ZNF804B: variants seen among roughly 807,000 people sequenced by gnomAD.
ZNF804B encodes zinc finger protein 804B.
A neutral mutation model predicts 101.4 loss-of-function variants in ZNF804B; 80 were observed. The observed-to-expected ratio is 0.79, with a 90% CI of 0.66 to 0.95. The LOEUF (loss-of-function observed/expected upper bound fraction) is 0.95. Ranked by LOEUF, ZNF804B falls within the 40% of genes least tolerant of loss-of-function variation. The pLI is 0.00. For missense variants in ZNF804B, 1,673 were observed against 1,561.9 expected, an observed-to-expected ratio of 1.07 and a Z score of -1.20; for synonymous variants, 622 against 558.8, an observed-to-expected ratio of 1.11 and a Z score of -1.59.
intron 1 of ZNF804B, among the ~76,000 whole-genome samples, chr7:89,032,651 G>T (rs897217991): frequency 2.0e-5 from 3 of 152,090 alleles, no homozygotes; most frequent in African/African-American, 7.2e-5. Flanking sequence ...ATTGGTGAAG[G>T]CACAGGGGCT....
chr7:89,084,549 C>T (rs929864127), intron 1 of ZNF804B, among the ~76,000 whole-genome samples: 3 of 151,928 alleles, frequency 2.0e-5, no homozygotes, highest in Non-Finnish European at 4.4e-5. Flanking sequence ...GTTTCAGTGA[C>T]ACCAGCAAAT....
intron 1 of ZNF804B, among the ~76,000 whole-genome samples, chr7:88,791,411 T>G (rs1790379520): frequency 6.6e-6 from 1 of 152,166 alleles, no homozygotes; most frequent in African/African-American, 2.4e-5. Context: ...GTTATTTTCA[T>G]AGTGAGCCTT....
intron 1 of ZNF804B, among the ~76,000 whole-genome samples, chr7:88,818,891 G>A (rs1583956450): frequency 6.6e-6 from 1 of 152,068 alleles, no homozygotes; most frequent in South Asian, 2.1e-4. Flanking sequence ...GAAATTGCTG[G>A]TCATTATTCT....
chr7:88,828,171 C>A (rs943461779), intron 1 of ZNF804B, among the ~76,000 whole-genome samples: 6 of 151,998 alleles, frequency 3.9e-5, no homozygotes, highest in African/African-American at 1.4e-4. Context: ...TATCCCCTTT[C>A]TATTTTTTAA....
chr7:89,285,522 C>CAAAAAAAAAAAAAAAA (rs778078214), intron 2 of ZNF804B, among the ~76,000 whole-genome samples: 8 of 22,394 alleles, frequency 3.6e-4, no homozygotes, highest in East Asian at 2.9e-3. Flanking sequence ...GACTCTGTCT[C>CAAAAAAAAAAAAAAAA]AAAAAAAAAA....
chr7:89,247,059 C>T (rs776045628), intron 2 of ZNF804B, among the ~76,000 whole-genome samples: 1 of 152,172 alleles, frequency 6.6e-6, no homozygotes, highest in Non-Finnish European at 1.5e-5. Flanking sequence ...ATCTGGAGCA[C>T]CCACTCTCCT....
At chr7:88,862,137 A>G (rs989476820) in intron 1 of ZNF804B, among the ~76,000 whole-genome samples, 21 of 152,166 alleles carry the variant, frequency 1.4e-4, no homozygotes, top group Admixed American at 1.2e-3. Flanking sequence ...ATGTGCTTTC[A>G]AATAAGTAGA....
intron 2 of ZNF804B, among the ~76,000 whole-genome samples, chr7:89,302,298 T>G (rs1260126256): frequency 6.6e-6 from 1 of 151,866 alleles, no homozygotes. Context: ...CTCTCTGAAC[T>G]CTACATGAGA....
At chr7:89,037,408 C>A (rs989784387) in intron 1 of ZNF804B, among the ~76,000 whole-genome samples, 2 of 151,952 alleles carry the variant, frequency 1.3e-5, no homozygotes, top group African/African-American at 4.8e-5. Context: ...CAATTTAACA[C>A]ATGTACCAAT....
chr7:89,329,840 T>C (rs942205023), intron 3 of ZNF804B, among the ~76,000 whole-genome samples: 5 of 151,696 alleles, frequency 3.3e-5, no homozygotes, highest in Non-Finnish European at 5.9e-5. Flanking sequence ...TTCCACGTTA[T>C]CTAGCTCTTA....
At chr7:89,234,232 T>A (rs1789244437) in intron 2 of ZNF804B, among the ~76,000 whole-genome samples, 1 of 152,164 alleles carries the variant, frequency 6.6e-6, no homozygotes, top group African/African-American at 2.4e-5. Context: ...ATGATCTGTT[T>A]CTTTTGAATT....
At chr7:89,206,268 C>T (rs538313340) in intron 1 of ZNF804B, among the ~76,000 whole-genome samples, 1 of 149,224 alleles carries the variant, frequency 6.7e-6, no homozygotes, top group East Asian at 1.9e-4. Context: ...AGGTTTTTCC[C>T]ATGGCTTGGC....
chr7:88,959,895 TG>T (rs1230342238), intron 1 of ZNF804B, among the ~76,000 whole-genome samples: 1 of 151,412 alleles, frequency 6.6e-6, no homozygotes, highest in Non-Finnish European at 1.5e-5. Context: ...CCCAGTTTAT[TG>T]TTATCTTCTG....
At chr7:88,823,365 A>G (rs576193706) in intron 1 of ZNF804B, among the ~76,000 whole-genome samples, 1 of 152,306 alleles carries the variant, frequency 6.6e-6, no homozygotes, top group South Asian at 2.1e-4. Context: ...AACAGCCTGG[A>G]CAGTAATTTT....
intron 1 of ZNF804B, among the ~76,000 whole-genome samples, chr7:89,139,083 T>C (rs1418101985): frequency 6.6e-6 from 1 of 152,104 alleles, no homozygotes; most frequent in East Asian, 1.9e-4. Context: ...ACCACTACAA[T>C]AAAGCAAATT....
In ZNF804B at chr7:88,817,820, T is replaced by TC. The variant is rs199914620; in HGVS notation, c.108+57743dup. ...TGCATTTATCCTGTATCTTACAATTTCCCCCCCTGAACTGAACTGTTATTC... is the reference window on the plus strand; with the variant it reads ...TGCATTTATCCTGTATCTTACAATTTCCCCCCCCTGAACTGAACTGTTATTC... On this transcript the variant is annotated intron_variant, in intron 1 of 3. Transcript: ENST00000333190. Among the ~76,000 whole-genome samples, 516 of 152,142 alleles carry TC rather than the reference T, an allele frequency of 3.4e-3. 2 individuals are homozygous for TC. The highest frequency in any genetic ancestry group is 0.011 in the African/African-American group (456 of 41,494).
chr7:88,827,149 A>G (rs547443542), intron 1 of ZNF804B, among the ~76,000 whole-genome samples: 30 of 152,106 alleles, frequency 2.0e-4, no homozygotes, highest in Non-Finnish European at 4.1e-4. Context: ...AAGTTAAATC[A>G]TATTTTAATT....
intron 1 of ZNF804B, among the ~76,000 whole-genome samples, chr7:88,887,630 C>T (rs1792148034): frequency 6.6e-6 from 1 of 151,886 alleles, no homozygotes; most frequent in Admixed American, 6.6e-5. Context: ...CACTGTAAAC[C>T]ACTTTTTAAA....
At chr7:89,129,594 G>A (rs1056774079) in intron 1 of ZNF804B, among the ~76,000 whole-genome samples, 4 of 151,970 alleles carry the variant, frequency 2.6e-5, no homozygotes, top group African/African-American at 9.7e-5. Context: ...CATTTTCAGT[G>A]CTCATTACAT....
Sources: gnomAD v4.1 joint callset for allele counts (sites outside exome capture counted in the v4.1 genomes callset) on GRCh38, gnomAD v4.1.1 for gene constraint, MANE v1.5 for transcripts, NCBI Gene and HGNC (gene_info 2026-07-23, HGNC 2026-07-21) for gene names.